The following OR10R2 variants were observed in gnomAD, a reference collection of about 807,000 sequenced individuals.
OR10R2 encodes the protein olfactory receptor 10R2.
In OR10R2, 1 loss-of-function variant was observed where a neutral mutation model predicts 2.4. That is an observed-to-expected ratio of 0.41 (90% CI 0.15 to 1.95). The LOEUF (loss-of-function observed/expected upper bound fraction) is 1.95, where lower values mean the gene tolerates loss of function less well. OR10R2 is among the 30% of genes most tolerant of loss of function. The probability of loss-of-function intolerance (pLI) is 0.30; values close to 1 mark genes in which losing one functional copy is unlikely to be tolerated. For missense variants in OR10R2, 419 were observed against 373.0 expected (o/e 1.12, Z -1.01); for synonymous variants, 166 against 144.8 (o/e 1.15, Z -1.05).
chr1:158,473,765 T>TTCCTTCCTCCCTCCCTCCC (rs1656207025), intron 1 of OR10R2, among the ~76,000 whole-genome samples: 5 of 72,916 alleles, frequency 6.9e-5, no homozygotes, highest in South Asian at 9.5e-4. Flanking sequence ...TTATCCTTCC[T>TTCCTTCCTCCCTCCCTCCC]TCCTTCCTTC....
chr1:158,480,552 T>G (rs759762951), exon 2 of OR10R2: 1 of 1,613,716 alleles, frequency 6.2e-7, no homozygotes. Flanking sequence ...GTGGAGTTCT[T>G]GTACTTGTGG....
At chr1:158,480,032 T>G in exon 2 of OR10R2, 1 of 1,614,152 alleles carries the variant, frequency 6.2e-7, no homozygotes, top group Non-Finnish European at 8.5e-7. Flanking sequence ...GTAGTTTTTC[T>G]TTTTCTGTAT....
chr1:158,473,469 A>T (rs1302476069), intron 1 of OR10R2, among the ~76,000 whole-genome samples: 2 of 152,224 alleles, frequency 1.3e-5, no homozygotes, highest in Non-Finnish European at 2.9e-5. Context: ...AGTAATGTAT[A>T]CAATAAATAG....
At chr1:158,478,061 C>T (rs934086698) in intron 1 of OR10R2, among the ~76,000 whole-genome samples, 2 of 152,124 alleles carry the variant, frequency 1.3e-5, no homozygotes, top group Non-Finnish European at 2.9e-5. Flanking sequence ...GGAACAAGGA[C>T]GCCCTATTCA....
chr1:158,478,031 G>A (rs985293942), intron 1 of OR10R2, among the ~76,000 whole-genome samples: 2 of 152,008 alleles, frequency 1.3e-5, no homozygotes, highest in African/African-American at 4.8e-5. Context: ...TCTTCAACAA[G>A]GCTGACAAGA....
At chr1:158,480,847 G>A in exon 2 of OR10R2, 1 of 1,581,544 alleles carries the variant, frequency 6.3e-7, no homozygotes, top group Middle Eastern at 1.8e-4. Context: ...TATCAGAAAA[G>A]TGTTGGGCAA....
chr1:158,477,909 T>C (rs906738042), intron 1 of OR10R2, among the ~76,000 whole-genome samples: 4 of 152,126 alleles, frequency 2.6e-5, no homozygotes, highest in Non-Finnish European at 5.9e-5. Context: ...CAAACTATAC[T>C]ATAACGTTAC....
Position 158,473,757 on chromosome 1 carries a change from ATCCT to A in OR10R2, c.27+1422_27+1425del, listed in dbSNP as rs1254061850. ...TCCTTCCCTTTCCCTCCCTTTCTTT[ATCCT>A]TCCTTCCTTCCTTCCTCCCTCCTTC... On this transcript the variant is annotated intron_variant, in intron 1 of 1. Coordinates refer to ENST00000641067, the Ensembl canonical transcript of OR10R2. Among the ~76,000 whole-genome samples, 6 of 17,424 alleles carry A rather than the reference ATCCT, an allele frequency of 3.4e-4. 1 individual carries two copies. Among genetic ancestry groups the A allele is most frequent in the South Asian group, 1.4e-3 (1 of 728 alleles). 11.4% of individuals were successfully genotyped at this position (17,424 alleles called of 152,430 possible).
chr1:158,472,490 A>G (rs892494326), intron 1 of OR10R2, 138 bp downstream of exon 1: 1 of 396,946 alleles, frequency 2.5e-6, no homozygotes, highest in African/African-American at 2.1e-5. Flanking sequence ...ATATACGGCA[A>G]CTGCATTCCT....
intron 1 of OR10R2, 23 bp downstream of exon 1, chr1:158,472,375 G>T: frequency 2.5e-6 from 1 of 399,026 alleles, no homozygotes; most frequent in Non-Finnish European, 4.4e-6. Flanking sequence ...TTGCTGTCTT[G>T]AAAAATTTTA....
At chr1:158,477,496 T>A (rs1656292759) in intron 1 of OR10R2, among the ~76,000 whole-genome samples, 1 of 152,158 alleles carries the variant, frequency 6.6e-6, no homozygotes, top group Non-Finnish European at 1.5e-5. Flanking sequence ...CAGTAGTGTT[T>A]CTATATATCA....
exon 2 of OR10R2, chr1:158,480,822 GGATGTCCAACTT>G (rs769384142): frequency 1.2e-6 from 2 of 1,603,990 alleles, no homozygotes; most frequent in South Asian, 2.3e-5. Context: ...TCAGAAACAA[GGATGTCCAACTT>G]GCTATCAGAA....
At position 158,480,719 on chromosome 1, in the gene OR10R2, G is replaced by A. The variant is rs148019397; in HGVS notation, c.809G>A (p.Arg270Lys). 1.9e-5 allele frequency: 31 copies of A among 1,612,818 alleles called. No homozygotes were observed. In the African/African-American group the frequency reaches 4.0e-4, roughly 21 times the overall value. The change falls in exon 2 of 2, where the codon AGG becomes AAG. Residue 270 changes from arginine to lysine, a missense_variant. Coordinates refer to ENST00000641067, the Ensembl canonical transcript of OR10R2. Reference sequence around the variant, plus strand: ...GGCTGTGCTTCCTTCATCTACCTGAGGCCTACAGCAAACTATGTGTCCAAC... The same window carrying A: ...GGCTGTGCTTCCTTCATCTACCTGAAGCCTACAGCAAACTATGTGTCCAAC...
intron 1 of OR10R2, among the ~76,000 whole-genome samples, chr1:158,474,175 A>G (rs1656228310): frequency 6.6e-6 from 1 of 151,642 alleles, no homozygotes; most frequent in Admixed American, 6.6e-5. Context: ...TTCAACACCC[A>G]CCTTACCATT....
chr1:158,473,396 G>A (rs11264975), intron 1 of OR10R2, among the ~76,000 whole-genome samples: 6 of 152,166 alleles, frequency 3.9e-5, no homozygotes, highest in Non-Finnish European at 7.3e-5. Context: ...TGTTTCACAA[G>A]GGTAAAGATC....
chr1:158,472,338 C>T, exon 1 of OR10R2: 1 of 398,988 alleles, frequency 2.5e-6, no homozygotes, highest in Non-Finnish European at 4.4e-6. Flanking sequence ...GACCACTGTT[C>T]TGGGGAGCGA....
intron 1 of OR10R2, among the ~76,000 whole-genome samples, chr1:158,473,488 T>C (rs1021102374): frequency 2.0e-5 from 3 of 152,192 alleles, no homozygotes; most frequent in Non-Finnish European, 4.4e-5. Context: ...AGTTTTTAAA[T>C]TGAAATAGTG....
chr1:158,477,804 T>C (rs1656297494), intron 1 of OR10R2, among the ~76,000 whole-genome samples: 1 of 152,062 alleles, frequency 6.6e-6, no homozygotes, highest in Non-Finnish European at 1.5e-5. Flanking sequence ...AAAACTATTA[T>C]AAAATTCATA....
exon 2 of OR10R2, chr1:158,480,496 C>A: frequency 6.2e-7 from 1 of 1,613,546 alleles, no homozygotes; most frequent in South Asian, 1.1e-5. Flanking sequence ...AGTCATTCTT[C>A]TGGCTTGTAC....
Sources: allele counts gnomAD v4.1 joint callset (sites outside exome capture counted in the v4.1 genomes callset), GRCh38; gene constraint gnomAD v4.1.1; transcripts MANE v1.5; gene names NCBI Gene and HGNC (gene_info 2026-07-23, HGNC 2026-07-21).